BPIFC: variants seen among roughly 807,000 people sequenced by gnomAD.
BPIFC encodes BPI fold containing family C.
BPIFC carries 60 observed loss-of-function variants against 57.6 expected under a neutral mutation model. The ratio of observed to expected loss-of-function variants is 1.04; its 90% CI spans 0.85 to 1.29. BPIFC has a LOEUF of 1.29. Ranked by LOEUF, BPIFC falls within the 50% of genes most tolerant of loss-of-function variation. BPIFC has a pLI of 0.00. For synonymous variants in BPIFC, 243 were observed against 224.5 expected (o/e 1.08, Z -0.74); for missense variants, 581 against 600.5 (o/e 0.97, Z 0.34).
intron 4 of BPIFC, 125 bp downstream of exon 4, chr22:32,453,258 A>G: frequency 2.9e-6 from 2 of 691,008 alleles, no homozygotes; most frequent in South Asian, 5.0e-5. Context: ...ACCAGAGCTA[A>G]GGACAGCAGA....
chr22:32,434,881 G>C (rs1276258431), intron 10 of BPIFC, among the ~76,000 whole-genome samples: 1 of 152,172 alleles, frequency 6.6e-6, no homozygotes, highest in African/African-American at 2.4e-5. Flanking sequence ...CATTATAAAA[G>C]GGAGGTGCAT....
chr22:32,450,174 G>A (rs1367439163), intron 4 of BPIFC, among the ~76,000 whole-genome samples: 5 of 144,220 alleles, frequency 3.5e-5, no homozygotes, highest in South Asian at 2.2e-4. Context: ...ATATATATAA[G>A]ATTATATACT....
chr22:32,453,306 G>T, intron 4 of BPIFC, 77 bp downstream of exon 4: 4 of 1,019,238 alleles, frequency 3.9e-6, no homozygotes, highest in African/African-American at 1.7e-5. Flanking sequence ...TGATGAAATC[G>T]TGGGGCTTCC....
intron 3 of BPIFC, among the ~76,000 whole-genome samples, chr22:32,453,831 C>A (rs149633764): frequency 6.6e-6 from 1 of 152,066 alleles, no homozygotes; most frequent in South Asian, 2.1e-4. Flanking sequence ...GCCTGTAATC[C>A]CAGCACTTTG....
intron 11 of BPIFC, among the ~76,000 whole-genome samples, chr22:32,433,186 G>T (rs754613640): frequency 1.1e-4 from 17 of 152,194 alleles, no homozygotes; most frequent in Non-Finnish European, 2.1e-4. Flanking sequence ...CTGGATGACA[G>T]AGCGAGACCC....
In BPIFC at chr22:32,433,756, A is replaced by T. The variant is rs771061559; in HGVS notation, c.941T>A (p.Val314Asp). 1.2e-6 allele frequency: 2 copies of T among 1,614,022 alleles called. No homozygotes were observed. Among genetic ancestry groups the T allele is most frequent in the Non-Finnish European group, 1.7e-6 (2 of 1,179,914 alleles). ...GTTGCCAAGGCCTTGAGAGTTTTGA[A>T]CAAAATGGTTGGAAATCTGGAAAAT... ...LSTEEISNHF[V>D]QNSQGLGNVL... The change falls in exon 11 of 17, where the codon GTT becomes GAT. Residue 314 changes from valine (V) to aspartate (D), a missense_variant. Coordinates refer to ENST00000300399, the MANE Select transcript of BPIFC (RefSeq NM_174932.3).
chr22:32,432,263 T>C (rs1934266998), intron 12 of BPIFC, 110 bp downstream of exon 12: 1 of 1,199,354 alleles, frequency 8.3e-7, no homozygotes, highest in African/African-American at 1.5e-5. Context: ...TCACTCTTAA[T>C]CAATGTAGCA....
At chr22:32,451,100 C>T (rs1353734568) in intron 4 of BPIFC, among the ~76,000 whole-genome samples, 1 of 152,158 alleles carries the variant, frequency 6.6e-6, no homozygotes, top group Non-Finnish European at 1.5e-5. Context: ...ACTGTTTAGA[C>T]AGCACAGGCC....
intron 13 of BPIFC, among the ~76,000 whole-genome samples, chr22:32,423,577 G>GGGGGGTGTGTGTGTGT (rs1556036074): frequency 9.1e-5 from 13 of 143,262 alleles, no homozygotes; most frequent in Middle Eastern, 3.5e-3. Flanking sequence ...GTAGGGTGTG[G>GGGGGGTGTGTGTGTGT]GTGTGTGTGT....
intron 3 of BPIFC, among the ~76,000 whole-genome samples, chr22:32,453,863 G>A (rs1934966208): frequency 1.3e-5 from 2 of 151,992 alleles, no homozygotes; most frequent in Admixed American, 6.6e-5. Context: ...CGGGAGGATC[G>A]CTTGAGCCAA....
intron 13 of BPIFC, among the ~76,000 whole-genome samples, chr22:32,423,754 TAAGAA>T (rs1326263597): frequency 6.6e-6 from 1 of 151,648 alleles, no homozygotes; most frequent in Non-Finnish European, 1.5e-5. Flanking sequence ...TGCATGGGAT[TAAGAA>T]AAGAGGGTTA....
At chr22:32,424,055 AC>A (rs1289413293) in intron 13 of BPIFC, among the ~76,000 whole-genome samples, 1 of 152,036 alleles carries the variant, frequency 6.6e-6, no homozygotes, top group Admixed American at 6.6e-5. Flanking sequence ...AAATACTAGT[AC>A]TACTAGGAAC....
At chr22:32,423,448 T>C (rs1370871520) in intron 13 of BPIFC, among the ~76,000 whole-genome samples, 1 of 152,100 alleles carries the variant, frequency 6.6e-6, no homozygotes, top group African/African-American at 2.4e-5. Context: ...CTCCACTGAC[T>C]TGTCCATCAT....
intron 2 of BPIFC, among the ~76,000 whole-genome samples, chr22:32,460,337 T>C (rs759826571): frequency 2.0e-4 from 30 of 152,192 alleles, no homozygotes; most frequent in Non-Finnish European, 3.2e-4. Flanking sequence ...TATGTATCCA[T>C]TGGGCTGGAA....
At chr22:32,425,553 T>C (rs1180147460) in intron 13 of BPIFC, among the ~76,000 whole-genome samples, 1 of 152,214 alleles carries the variant, frequency 6.6e-6, no homozygotes, top group African/African-American at 2.4e-5. Context: ...TGGCTGAGGC[T>C]ATCTCTAAAT....
chr22:32,422,062 G>T (rs932134696), intron 13 of BPIFC, among the ~76,000 whole-genome samples: 8 of 152,150 alleles, frequency 5.3e-5, no homozygotes, highest in Admixed American at 5.2e-4. Flanking sequence ...GATGCGAGAG[G>T]CAGACAGGAT....
At chr22:32,435,908 T>A in intron 9 of BPIFC, 28 bp from the exon 10 acceptor site, 1 of 1,588,220 alleles carries the variant, frequency 6.3e-7, no homozygotes, top group Non-Finnish European at 8.5e-7. Flanking sequence ...GAAAGACCAG[T>A]GTATCAGGTG....
intron 1 of BPIFC, among the ~76,000 whole-genome samples, chr22:32,462,168 C>CAAAAAA (rs35716277): frequency 0.017 from 921 of 53,532 alleles, 1 homozygote; most frequent in Non-Finnish European, 0.023. Context: ...GACTCCATCT[C>CAAAAAA]AAAAAAAAAA....
intron 13 of BPIFC, among the ~76,000 whole-genome samples, chr22:32,422,642 G>T (rs1471238371): frequency 6.6e-6 from 1 of 152,052 alleles, no homozygotes; most frequent in African/African-American, 2.4e-5. Context: ...TGGGAGGCAG[G>T]GGTTGCAGTG....
Sources: gnomAD v4.1 joint callset for allele counts (sites outside exome capture counted in the v4.1 genomes callset) on GRCh38, gnomAD v4.1.1 for gene constraint, MANE v1.5 for transcripts, NCBI Gene and HGNC (gene_info 2026-07-23, HGNC 2026-07-21) for gene names.